The following NTN1 variants were observed in gnomAD, a reference collection of about 807,000 sequenced individuals.
NTN1 encodes netrin 1.
In NTN1, 11 loss-of-function variants were observed where a neutral mutation model predicts 54.2. That is an observed-to-expected ratio of 0.20 (90% CI 0.13 to 0.34). NTN1 has a LOEUF of 0.34. Among genes scored for constraint, NTN1 ranks in the 10% least tolerant of loss-of-function variants. NTN1 has a pLI of 1.00. For missense variants in NTN1, 740 were observed against 893.1 expected (o/e 0.83, Z 2.18); for synonymous variants, 371 against 382.0 (o/e 0.97, Z 0.33).
chr17:9,080,151 A>G (rs948153128), intron 2 of NTN1, among the ~76,000 whole-genome samples: 1 of 152,248 alleles, frequency 6.6e-6, no homozygotes, highest in Non-Finnish European at 1.5e-5. Context: ...CAGTCTCCCC[A>G]GTGTCTTCAG....
intron 2 of NTN1, among the ~76,000 whole-genome samples, chr17:9,086,794 A>G (rs574688266): frequency 6.6e-6 from 1 of 152,054 alleles, no homozygotes; most frequent in African/African-American, 2.4e-5. Flanking sequence ...TACCATCACC[A>G]CCTGCACCAT....
rs527615176 is a variant in NTN1 at position 9,167,236 on chromosome 17, G to A, written c.1207+4235G>A. 1.4e-4 allele frequency among the ~76,000 whole-genome samples: 21 copies of A among 152,232 alleles called. No homozygotes were observed. The South Asian group carries it at 3.3e-3, about 24-fold the overall frequency. On this transcript the variant is annotated intron_variant, in intron 3 of 6. Coordinates refer to ENST00000173229, the MANE Select transcript of NTN1 (RefSeq NM_004822.3). The stretch of plus-strand genomic sequence containing the variant: ...GCTGAATGGTCTGTGAATGATACTC[G>A]TCTTGGAGTCTGTCAAAAGACAGGA...
chr17:9,105,736 G>C (rs1336287283), intron 2 of NTN1, among the ~76,000 whole-genome samples: 2 of 151,720 alleles, frequency 1.3e-5, no homozygotes, highest in Non-Finnish European at 2.9e-5. Context: ...CACGCAGTTG[G>C]TAGAGTACAG....
At chr17:9,158,337 G>A (rs1201787925) in intron 2 of NTN1, among the ~76,000 whole-genome samples, 2 of 152,204 alleles carry the variant, frequency 1.3e-5, no homozygotes, top group African/African-American at 2.4e-5. Flanking sequence ...GGGCTCAGAG[G>A]TTAGGGCAGG....
At chr17:9,065,112 T>G (rs1277496751) in intron 2 of NTN1, among the ~76,000 whole-genome samples, 1 of 152,136 alleles carries the variant, frequency 6.6e-6, no homozygotes, top group Admixed American at 6.5e-5. Context: ...AATTTTTGTA[T>G]TTTTAGTAGA....
intron 2 of NTN1, among the ~76,000 whole-genome samples, chr17:9,084,789 C>T (rs886589173): frequency 7.9e-5 from 12 of 151,710 alleles, no homozygotes; most frequent in African/African-American, 2.9e-4. Flanking sequence ...GGAGCTGGGA[C>T]TATAGGCACC....
chr17:9,029,558 G>A (rs1219478874), intron 2 of NTN1, among the ~76,000 whole-genome samples: 5 of 152,210 alleles, frequency 3.3e-5, no homozygotes, highest in African/African-American at 1.2e-4. Context: ...AGATACAGAC[G>A]TTCACCTCAA....
intron 2 of NTN1, among the ~76,000 whole-genome samples, chr17:9,037,753 G>T (rs1193502812): frequency 6.6e-6 from 1 of 152,140 alleles, no homozygotes; most frequent in East Asian, 1.9e-4. Context: ...CATTTGGAAG[G>T]TCCAGGTTTT....
chr17:9,054,857 G>A (rs1210793118), intron 2 of NTN1, among the ~76,000 whole-genome samples: 1 of 152,174 alleles, frequency 6.6e-6, no homozygotes, highest in Non-Finnish European at 1.5e-5. Context: ...GCTAAATGGA[G>A]CATTTCTGTC....
intron 6 of NTN1, among the ~76,000 whole-genome samples, chr17:9,231,398 C>T (rs374090394): frequency 2.6e-5 from 4 of 152,338 alleles, no homozygotes; most frequent in East Asian, 3.9e-4. Context: ...TCAGCTCTGC[C>T]CCCACCCTGC....
intron 3 of NTN1, chr17:9,176,574 G>C (rs1013791689): frequency 2.0e-5 from 3 of 152,192 alleles, no homozygotes; most frequent in African/African-American, 4.8e-5. Context: ...CCTACACCTT[G>C]AAACTCAGAC....
rs536766992 is a variant in NTN1, at chr17:9,182,136, C to T, written c.1358-780C>T. Reference sequence around the variant, plus strand: ...GGGACTACAGGTGCGTGCCACCACGCCTGGCTGATTTGTTTTATTTCTTGT... The same window carrying T: ...GGGACTACAGGTGCGTGCCACCACGTCTGGCTGATTTGTTTTATTTCTTGT... On this transcript the variant is annotated intron_variant, in intron 4 of 6. Coordinates refer to ENST00000173229, the MANE Select transcript of NTN1 (RefSeq NM_004822.3). Among the ~76,000 whole-genome samples the T allele has an allele frequency of 2.0e-5, 3 of 152,292 alleles. No homozygotes were observed. In the East Asian group the frequency reaches 5.8e-4, roughly 29 times the overall value.
chr17:9,224,923 T>C (rs1389646776), intron 6 of NTN1, among the ~76,000 whole-genome samples: 1 of 152,094 alleles, frequency 6.6e-6, no homozygotes, highest in African/African-American at 2.4e-5. Flanking sequence ...GGACTGACAC[T>C]CTCCCTGTGA....
At chr17:9,145,916 CAAAA>C (rs60504172) in intron 2 of NTN1, among the ~76,000 whole-genome samples, 28,968 of 88,520 alleles carry the variant, frequency 0.33, 3,284 homozygotes, top group East Asian at 0.45. Flanking sequence ...GACTCCATCT[CAAAA>C]AAAAAAAAAA....
chr17:9,185,645 C>T (rs1036996992), intron 5 of NTN1, among the ~76,000 whole-genome samples: 2 of 152,058 alleles, frequency 1.3e-5, no homozygotes, highest in Admixed American at 6.6e-5. Flanking sequence ...AGAGAGGGAC[C>T]ACCCACTCAA....
the NTN1 span, among the ~76,000 whole-genome samples, chr17:9,005,841 G>C: frequency 6.6e-6 from 1 of 152,206 alleles, no homozygotes; most frequent in Admixed American, 6.5e-5. Flanking sequence ...CAGGCTGCCT[G>C]GATGTTGAGT....
intron 5 of NTN1, among the ~76,000 whole-genome samples, chr17:9,195,326 G>A (rs963914347): frequency 6.6e-6 from 1 of 152,184 alleles, no homozygotes; most frequent in Non-Finnish European, 1.5e-5. Flanking sequence ...CACCAGCCTC[G>A]AGGAGGATAA....
At chr17:9,046,091 C>A (rs28396760) in intron 2 of NTN1, among the ~76,000 whole-genome samples, 19,816 of 152,152 alleles carry the variant, frequency 0.13, 1,548 homozygotes, top group Admixed American at 0.24. Flanking sequence ...AAGATACAAT[C>A]AAGAAAATGA....
At chr17:9,083,886 G>A (rs1207523150) in intron 2 of NTN1, among the ~76,000 whole-genome samples, 3 of 150,654 alleles carry the variant, frequency 2.0e-5, no homozygotes, top group Non-Finnish European at 4.4e-5. Flanking sequence ...TCCTTGGGGA[G>A]AGACAGATAT....
Sources: gnomAD v4.1 joint callset for allele counts (sites outside exome capture counted in the v4.1 genomes callset) on GRCh38, gnomAD v4.1.1 for gene constraint, MANE v1.5 for transcripts, NCBI Gene and HGNC (gene_info 2026-07-23, HGNC 2026-07-21) for gene names.